The following F13A1 variants were observed in gnomAD, a reference collection of about 807,000 sequenced individuals.
F13A1 encodes coagulation factor XIII A chain.
A neutral mutation model predicts 80.1 loss-of-function variants in F13A1; 47 were observed. The ratio of observed to expected loss-of-function variants is 0.59; its 90% confidence interval spans 0.46 to 0.75. F13A1 has a LOEUF of 0.75. Among genes scored for constraint, F13A1 ranks in the 30% least tolerant of loss-of-function variants. The probability of loss-of-function intolerance (pLI) is 0.00; values close to 1 mark genes in which losing one functional copy is unlikely to be tolerated. For missense variants in F13A1, 817 were observed against 930.4 expected (o/e 0.88, Z 1.59); for synonymous variants, 349 against 344.9 (o/e 1.01, Z -0.13).
At chr6:6,266,941 A>C in intron 3 of F13A1, 132 bp from the exon 4 acceptor site, 1 of 1,313,880 alleles carries the variant, frequency 7.6e-7, no homozygotes, top group Non-Finnish European at 1.1e-6. Context: ...AAACATACAA[A>C]TCAGGCAAGT....
At chr6:6,151,460 A>G (rs1276991650) in intron 14 of F13A1, among the ~76,000 whole-genome samples, 1 of 152,182 alleles carries the variant, frequency 6.6e-6, no homozygotes, top group East Asian at 1.9e-4. Flanking sequence ...AAGTGGTTCA[A>G]ACTTGGGTTC....
chr6:6,251,764 T>C (rs1303265814), intron 4 of F13A1, among the ~76,000 whole-genome samples: 1 of 152,218 alleles, frequency 6.6e-6, no homozygotes, highest in Non-Finnish European at 1.5e-5. Flanking sequence ...AATGGTAGAA[T>C]TAGAATGTCA....
At chr6:6,207,621 T>C (rs1284890255) in intron 8 of F13A1, among the ~76,000 whole-genome samples, 3 of 152,194 alleles carry the variant, frequency 2.0e-5, no homozygotes, top group Admixed American at 2.0e-4. Context: ...CTCTGGTTGA[T>C]CTTGAGGCTC....
chr6:6,146,434 T>C (rs1467900869), intron 14 of F13A1, among the ~76,000 whole-genome samples: 1 of 152,204 alleles, frequency 6.6e-6, no homozygotes, highest in Non-Finnish European at 1.5e-5. Context: ...TGACATAGCC[T>C]TTCATGGTTC....
intron 8 of F13A1, among the ~76,000 whole-genome samples, chr6:6,205,853 T>C (rs1388776529): frequency 1.3e-5 from 2 of 152,122 alleles, no homozygotes; most frequent in Non-Finnish European, 2.9e-5. Flanking sequence ...AGAAAGTAGA[T>C]GCCACCCCAT....
chr6:6,269,005 T>C (rs1415084091), intron 3 of F13A1, among the ~76,000 whole-genome samples: 1 of 152,112 alleles, frequency 6.6e-6, no homozygotes, highest in Non-Finnish European at 1.5e-5. Context: ...GTTTTTTTTT[T>C]TTAAGTATAA....
intron 3 of F13A1, among the ~76,000 whole-genome samples, chr6:6,273,342 C>T (rs895097793): frequency 2.0e-5 from 3 of 152,158 alleles, no homozygotes; most frequent in African/African-American, 7.2e-5. Context: ...AAATGGCAAG[C>T]CCCACTAAGA....
rs556085366 is a variant in F13A1, at chr6:6,241,397, T to G, written c.798+6915A>C. On this transcript the variant is annotated intron_variant, in intron 6 of 14. Transcript: ENST00000264870. ...GGTCATACTCATTATCTGGTAGAGA[T>G]GATTACCACCACCGCCACCATCATT... 2.0e-5 allele frequency among the ~76,000 whole-genome samples: 3 copies of G among 152,318 alleles called. No individual in the cohort carries two copies. The South Asian group carries it at 6.2e-4, about 32-fold the overall frequency.
intron 4 of F13A1, among the ~76,000 whole-genome samples, chr6:6,252,220 T>C (rs1757642355): frequency 6.6e-6 from 1 of 152,228 alleles, no homozygotes; most frequent in Non-Finnish European, 1.5e-5. Context: ...GGAAAAGATT[T>C]AAGTGACATA....
rs185828334 is a variant in F13A1, at chr6:6,232,510, C to T, written c.799-7650G>A. 1.3e-3 allele frequency among the ~76,000 whole-genome samples: 192 copies of T among 152,244 alleles called. 3 individuals are homozygous for T. Among genetic ancestry groups the T allele is most frequent in the African/African-American group, 4.3e-3 (180 of 41,576 alleles). On this transcript the variant is annotated intron_variant, in intron 6 of 14. Transcript: ENST00000264870. ...ACAGTAAGACAATAGTAGTGGAGGA[C>T]TTCAGTACTCCACTGACAGCACTAG... is the stretch of plus-strand genomic sequence containing the variant.
chr6:6,184,347 G>A (rs927334370), intron 10 of F13A1, among the ~76,000 whole-genome samples: 10 of 152,240 alleles, frequency 6.6e-5, no homozygotes, highest in Non-Finnish European at 1.3e-4. Context: ...ACACCACCCT[G>A]CGGGAGCATG....
At chr6:6,306,222 G>A (rs1184134284) in intron 2 of F13A1, among the ~76,000 whole-genome samples, 1 of 152,170 alleles carries the variant, frequency 6.6e-6, no homozygotes, top group African/African-American at 2.4e-5. Flanking sequence ...GCTTTCCTTA[G>A]CTACTAATGG....
At chr6:6,192,600 G>A (rs1761220618) in intron 10 of F13A1, among the ~76,000 whole-genome samples, 1 of 152,204 alleles carries the variant, frequency 6.6e-6, no homozygotes, top group Admixed American at 6.5e-5. Context: ...CATCTGATAA[G>A]ATAGTAGCAA....
chr6:6,173,404 C>CTTTTT (rs1401906503), intron 12 of F13A1, among the ~76,000 whole-genome samples: 5 of 144,112 alleles, frequency 3.5e-5, no homozygotes, highest in Non-Finnish European at 3.0e-5. Context: ...AGCCTCCATT[C>CTTTTT]TTTTCTTTTT....
chr6:6,236,946 A>G lies in F13A1; in HGVS notation c.798+11366T>C, dbSNP rs145961220. ...AGTGTGGTGGTGACCAGACTTAATC[A>G]CAGGTGGAAGTGGTGTGGTGGATGT... is the stretch of plus-strand genomic sequence containing the variant. On this transcript the variant is annotated intron_variant, in intron 6 of 14. Coordinates refer to ENST00000264870, the MANE Select transcript of F13A1 (RefSeq NM_000129.4). Among the ~76,000 whole-genome samples the G allele has an allele frequency of 3.2e-3, 491 of 152,218 alleles. 5 individuals carry two copies. The highest frequency in any genetic ancestry group is 0.01 in the African/African-American group (433 of 41,542).
At chr6:6,274,032 T>C (rs935155867) in intron 3 of F13A1, among the ~76,000 whole-genome samples, 6 of 152,236 alleles carry the variant, frequency 3.9e-5, no homozygotes, top group Non-Finnish European at 8.8e-5. Context: ...ATTGCTAAGT[T>C]GCCATTGGCA....
intron 3 of F13A1, among the ~76,000 whole-genome samples, chr6:6,304,165 A>C (rs1758477150): frequency 6.6e-6 from 1 of 152,112 alleles, no homozygotes; most frequent in Non-Finnish European, 1.5e-5. Flanking sequence ...ACTTTTTTCC[A>C]CTTAGATATC....
chr6:6,240,902 C>G (rs1757475687), intron 6 of F13A1, among the ~76,000 whole-genome samples: 1 of 152,098 alleles, frequency 6.6e-6, no homozygotes, highest in Non-Finnish European at 1.5e-5. Context: ...TTGACTTTAA[C>G]TTTAATGGTT....
rs145761347 is a variant in F13A1, at chr6:6,266,806, C to A, written c.323G>T (p.Arg108Leu). ...GGTTCCCTTGTTCTCCTGTGGGTAGCGACCTATGAGAAGAGAGAAGAAATA... is the reference window on the plus strand; with the variant it reads ...GGTTCCCTTGTTCTCCTGTGGGTAGAGACCTATGAGAAGAGAGAAGAAATA... ...DLFRVEYVIG[R>L]YPQENKGTYI... is the part of the protein sequence containing the mutation. The change falls in exon 4 of 15, where the codon CGC becomes CTC. Residue 108 changes from arginine to leucine, a missense_variant. By Grantham distance (102) the Arg-to-Leu change is moderately radical. Transcript: ENST00000264870. The A allele has an allele frequency of 1.2e-6, 2 of 1,614,100 alleles. No homozygotes were observed. Among genetic ancestry groups the A allele is most frequent in the Admixed American group, 3.3e-5 (2 of 60,006 alleles).
Sources: gnomAD v4.1 joint callset for allele counts (sites outside exome capture counted in the v4.1 genomes callset) on GRCh38, gnomAD v4.1.1 for gene constraint, MANE v1.5 for transcripts, NCBI Gene and HGNC (gene_info 2026-07-23, HGNC 2026-07-21) for gene names.